FGF12: variants seen among roughly 807,000 people sequenced by gnomAD.
The protein encoded by FGF12 is fibroblast growth factor 12B.
A neutral mutation model predicts 23.6 loss-of-function variants in FGF12; 14 were observed. The ratio of observed to expected loss-of-function variants is 0.59; its 90% confidence interval spans 0.39 to 0.93. FGF12 has a LOEUF of 0.93. FGF12 is among the 40% of genes least tolerant of loss of function. The pLI, the probability that FGF12 is intolerant of heterozygous loss-of-function variation, is 0.00. For synonymous variants in FGF12, 62 were observed against 77.3 expected (o/e 0.80, Z 1.04); for missense variants, 175 against 217.8 (o/e 0.80, Z 1.24).
intron 2 of FGF12, among the ~76,000 whole-genome samples, chr3:192,522,016 G>A (rs1486147936): frequency 6.6e-6 from 1 of 152,136 alleles, no homozygotes; most frequent in Non-Finnish European, 1.5e-5. Flanking sequence ...GGCTAACACA[G>A]TGAAACCCCA....
chr3:192,576,794 T>G (rs1008156588), intron 2 of FGF12, among the ~76,000 whole-genome samples: 4 of 152,198 alleles, frequency 2.6e-5, no homozygotes, highest in African/African-American at 7.2e-5. Context: ...TAGCAAAGAC[T>G]TGGAACCAAC....
In FGF12 at chr3:192,492,168, A is replaced by T. The variant is rs184765467; in HGVS notation, c.14-131630T>A. Among the ~76,000 whole-genome samples, 547 of 152,342 alleles carry T rather than the reference A, an allele frequency of 3.6e-3. 3 individuals are homozygous for T. The highest frequency in any genetic ancestry group is 0.012 in the African/African-American group (499 of 41,584). ...TGTATCTTACATATCTAATGAGAAT[A>T]AATTTGTAAACACCTGATCAATACT... On this transcript the variant is annotated intron_variant, in intron 2 of 5. Transcript: ENST00000445105.
chr3:192,332,391 A>AT, intron 4 of FGF12, among the ~76,000 whole-genome samples: 1 of 152,248 alleles, frequency 6.6e-6, no homozygotes, highest in East Asian at 1.9e-4. Context: ...AAGCAACAGA[A>AT]TTTTTTAAAA....
At chr3:192,706,471 G>A (rs1004447081) in intron 2 of FGF12, among the ~76,000 whole-genome samples, 6 of 151,978 alleles carry the variant, frequency 3.9e-5, no homozygotes, top group African/African-American at 7.3e-5. Flanking sequence ...CAGATCACCC[G>A]GCTCCCCGCC....
intron 2 of FGF12, among the ~76,000 whole-genome samples, chr3:192,681,279 T>C (rs1175237559): frequency 3.3e-5 from 5 of 152,102 alleles, no homozygotes; most frequent in African/African-American, 1.2e-4. Context: ...TGACATAAAG[T>C]CAGACTAGGT....
chr3:192,402,784 T>A (rs1720816633), intron 2 of FGF12, among the ~76,000 whole-genome samples: 1 of 152,196 alleles, frequency 6.6e-6, no homozygotes, highest in African/African-American at 2.4e-5. Flanking sequence ...TTATTATAGA[T>A]GATTAATTTA....
chr3:192,300,660 A>C (rs1013462404), intron 4 of FGF12, among the ~76,000 whole-genome samples: 2 of 152,130 alleles, frequency 1.3e-5, no homozygotes, highest in African/African-American at 4.8e-5. Context: ...GTATTATTCT[A>C]AAAAGGGAAT....
chr3:192,353,432 C>G (rs551322719), intron 3 of FGF12, among the ~76,000 whole-genome samples: 2 of 139,866 alleles, frequency 1.4e-5, no homozygotes, highest in Non-Finnish European at 3.0e-5. Flanking sequence ...TGCAGTGGCA[C>G]GATCCCAGCT....
At chr3:192,476,853 G>A (rs904597418) in intron 2 of FGF12, among the ~76,000 whole-genome samples, 3 of 152,216 alleles carry the variant, frequency 2.0e-5, no homozygotes, top group Admixed American at 1.3e-4. Context: ...TGGCTCCTAA[G>A]AGGAGGAGTA....
intron 4 of FGF12, among the ~76,000 whole-genome samples, chr3:192,323,828 T>C (rs909152076): frequency 1.3e-5 from 2 of 152,142 alleles, no homozygotes; most frequent in African/African-American, 4.8e-5. Flanking sequence ...TGGTGGCTCA[T>C]GCCCGTAATC....
At chr3:192,414,841 G>A (rs1721295382) in intron 2 of FGF12, among the ~76,000 whole-genome samples, 1 of 152,134 alleles carries the variant, frequency 6.6e-6, no homozygotes, top group African/African-American at 2.4e-5. Context: ...ATCATTTTGT[G>A]TTGGAAGGGA....
chr3:192,599,256 T>TAAG (rs1329990670), intron 2 of FGF12, among the ~76,000 whole-genome samples: 1 of 140,286 alleles, frequency 7.1e-6, no homozygotes. Context: ...ACTTGAAGTA[T>TAAG]AATAATAATA....
intron 2 of FGF12, among the ~76,000 whole-genome samples, chr3:192,483,888 G>T (rs772414648): frequency 5.3e-5 from 8 of 152,144 alleles, no homozygotes; most frequent in Non-Finnish European, 1.0e-4. Context: ...TTGCTGTAAG[G>T]TTTAACAGGC....
intron 2 of FGF12, among the ~76,000 whole-genome samples, chr3:192,519,087 C>T (rs1232327692): frequency 6.6e-6 from 1 of 152,112 alleles, no homozygotes; most frequent in Non-Finnish European, 1.5e-5. Context: ...AATATCAAAC[C>T]CAGAGCATTT....
At chr3:192,418,481 G>A (rs757097364) in intron 2 of FGF12, among the ~76,000 whole-genome samples, 11 of 152,068 alleles carry the variant, frequency 7.2e-5, no homozygotes, top group South Asian at 2.1e-4. Context: ...AAAACTCTGC[G>A]TTCCAATTAT....
intron 2 of FGF12, among the ~76,000 whole-genome samples, chr3:192,490,604 A>G (rs1455490502): frequency 6.6e-6 from 1 of 152,102 alleles, no homozygotes; most frequent in Non-Finnish European, 1.5e-5. Flanking sequence ...ACAGAGATTG[A>G]TCATAGAAAA....
chr3:192,326,656 C>A (rs1185812221), intron 4 of FGF12, among the ~76,000 whole-genome samples: 1 of 152,188 alleles, frequency 6.6e-6, no homozygotes, highest in Non-Finnish European at 1.5e-5. Context: ...GGTGTTATCA[C>A]TGTAATAAAG....
intron 4 of FGF12, among the ~76,000 whole-genome samples, chr3:192,228,087 T>C (rs1718832252): frequency 6.6e-6 from 1 of 152,062 alleles, no homozygotes; most frequent in Admixed American, 6.6e-5. Context: ...TTGCCCACCA[T>C]GGTGACGATA....
intron 2 of FGF12, among the ~76,000 whole-genome samples, chr3:192,632,177 C>G (rs1236801651): frequency 6.6e-6 from 1 of 152,148 alleles, no homozygotes; most frequent in African/African-American, 2.4e-5. Flanking sequence ...TAATCCAAGG[C>G]AAATGAGAAG....
Sources: gnomAD v4.1 joint callset for allele counts (sites outside exome capture counted in the v4.1 genomes callset) on GRCh38, gnomAD v4.1.1 for gene constraint, MANE v1.5 for transcripts, NCBI Gene and HGNC (gene_info 2026-07-23, HGNC 2026-07-21) for gene names.